LAMB4: variants seen among roughly 807,000 people sequenced by gnomAD.
The protein encoded by LAMB4 is laminin subunit beta-4.
A neutral mutation model predicts 199.2 loss-of-function variants in LAMB4; 196 were observed. The observed-to-expected ratio is 0.98, with a 90% confidence interval of 0.88 to 1.11. The LOEUF is 1.11. Ranked by LOEUF, LAMB4 falls within the 50% of genes least tolerant of loss-of-function variation. The pLI, the probability that LAMB4 is intolerant of heterozygous loss-of-function variation, is 0.00. For missense variants in LAMB4, 2,080 were observed against 2,171.2 expected, an observed-to-expected ratio of 0.96 and a Z score of 0.83; for synonymous variants, 744 against 770.6, an observed-to-expected ratio of 0.97 and a Z score of 0.57.
At chr7:108,075,658 T>A (rs911418021) in intron 17 of LAMB4, 1 of 152,202 alleles carries the variant, frequency 6.6e-6, no homozygotes, top group Admixed American at 6.5e-5. Context: ...GTACTAATGA[T>A]CTTAAAAATT....
Position 108,055,887 on chromosome 7 carries a change from TG to T in LAMB4, c.3499del (p.Gln1167ArgfsTer30). 3 of 1,614,186 alleles carry T rather than the reference TG, an allele frequency of 1.9e-6. No individual in the cohort carries two copies. Among genetic ancestry groups the T allele is most frequent in the Non-Finnish European group, 2.5e-6 (3 of 1,180,022 alleles). ...RCDRCARGHS[Q>X]EFPTCLQCHL... ...ACATTGAAGACAAGTAGGGAATTCC[TG>T]GCTGTGTCCCCGGGCACAGCGATCA... On this transcript the variant is annotated frameshift_variant, in exon 25 of 34. Transcript: ENST00000388781. LOFTEE classifies it high-confidence loss of function.
chr7:108,023,550 G>C (rs2034736352), downstream of LAMB4: 1 of 152,192 alleles, frequency 6.6e-6, no homozygotes, highest in Admixed American at 6.5e-5. Flanking sequence ...AAAGCAAGTT[G>C]CATTTTGAAT....
At chr7:108,018,164 T>A in the LAMB4 span, among the ~76,000 whole-genome samples, 1 of 152,258 alleles carries the variant, frequency 6.6e-6, no homozygotes, top group Non-Finnish European at 1.5e-5. Context: ...CTTTTCTTTA[T>A]GTGCAAGTTT....
At chr7:108,012,647 T>TAC in the LAMB4 span, among the ~76,000 whole-genome samples, 1 of 152,206 alleles carries the variant, frequency 6.6e-6, no homozygotes, top group African/African-American at 2.4e-5. Context: ...CATGGTGACT[T>TAC]ACATCACATC....
intron 25 of LAMB4, among the ~76,000 whole-genome samples, chr7:108,054,104 C>T (rs1229409070): frequency 6.6e-6 from 1 of 152,144 alleles, no homozygotes; most frequent in Non-Finnish European, 1.5e-5. Context: ...TTCACTGCAG[C>T]CTTGAACTCC....
intron 21 of LAMB4, among the ~76,000 whole-genome samples, chr7:108,065,385 A>T (rs937581474): frequency 6.6e-6 from 1 of 152,224 alleles, no homozygotes; most frequent in Non-Finnish European, 1.5e-5. Context: ...TAAAGAAAGC[A>T]TTTGACTAAT....
At chr7:108,097,021 T>A (rs1431750222) in intron 11 of LAMB4, among the ~76,000 whole-genome samples, 4 of 151,620 alleles carry the variant, frequency 2.6e-5, no homozygotes, top group Non-Finnish European at 5.9e-5. Context: ...TTCAGCCTGT[T>A]CTTGGAGGAC....
chr7:108,024,705 CGATCCATT>C (rs1272824823), intron 33 of LAMB4, among the ~76,000 whole-genome samples: 1 of 151,832 alleles, frequency 6.6e-6, no homozygotes, highest in African/African-American at 2.4e-5. Flanking sequence ...ACCCATCCAT[CGATCCATT>C]GATCCATCCA....
chr7:108,042,324 C>A (rs10253389), intron 29 of LAMB4, among the ~76,000 whole-genome samples: 2,312 of 151,840 alleles, frequency 0.015, 59 homozygotes, highest in African/African-American at 0.051. Flanking sequence ...TCTTTCAATT[C>A]CTCAAGTTAA....
chr7:108,066,640 G>T, intron 19 of LAMB4, 40 bp from the exon 20 acceptor site: 1 of 1,256,866 alleles, frequency 8.0e-7, no homozygotes, highest in Non-Finnish European at 1.1e-6. Context: ...GCGGGGATGA[G>T]TGGTGTGTGG....
At chr7:108,076,674 C>T (rs992143626) in intron 17 of LAMB4, among the ~76,000 whole-genome samples, 2 of 152,008 alleles carry the variant, frequency 1.3e-5, no homozygotes, top group South Asian at 2.1e-4. Context: ...CCTGTCACAG[C>T]GTCACAGACC....
At chr7:108,021,959 G>A (rs897734957), downstream of LAMB4, among the ~76,000 whole-genome samples, 3 of 152,000 alleles carry the variant, frequency 2.0e-5, no homozygotes, top group Non-Finnish European at 4.4e-5. Context: ...GAAGAGGCCC[G>A]GCCAACTGGA....
chr7:108,028,197 C>T (rs2034904057), intron 33 of LAMB4, among the ~76,000 whole-genome samples: 1 of 152,164 alleles, frequency 6.6e-6, no homozygotes, highest in Non-Finnish European at 1.5e-5. Flanking sequence ...GCTAGATGAC[C>T]TAGTGCCCTA....
chr7:108,034,198 A>C lies in LAMB4; in HGVS notation c.4818+10T>G. On this transcript the variant is annotated intron_variant, in intron 31 of 33. Transcript: ENST00000388781. ...ACCTATTTCAGGTTAGTTTCAAAGA[A>C]GACAAATACCTGCAGCACATTCTTT... The C allele has an allele frequency of 6.2e-7, 1 of 1,613,858 alleles. No individual in the cohort carries two copies. Among genetic ancestry groups the C allele is most frequent in the South Asian group, 1.1e-5 (1 of 91,052 alleles).
intron 29 of LAMB4, 113 bp from the exon 30 acceptor site, chr7:108,037,708 C>T (rs924992213): frequency 4.1e-6 from 3 of 734,188 alleles, no homozygotes; most frequent in South Asian, 3.3e-5. Context: ...GATTATGTGC[C>T]CCTAGAATAC....
At chr7:108,089,987 T>G (rs111261785) in intron 14 of LAMB4, among the ~76,000 whole-genome samples, 6 of 152,256 alleles carry the variant, frequency 3.9e-5, no homozygotes, top group African/African-American at 1.4e-4. Flanking sequence ...TGAAACCAGA[T>G]GCACCTGGGT....
Position 108,063,937 on chromosome 7 carries a change from A to G in LAMB4, c.2885T>C (p.Ile962Thr). 6.2e-7 allele frequency: 1 copy of G among 1,614,166 alleles called. No homozygotes were observed. Among genetic ancestry groups the G allele is most frequent in the Non-Finnish European group, 8.5e-7 (1 of 1,180,032 alleles). ...ACATGGTTGGCAAGGTGCTCCTGAA[A>G]TTCTTGGATTTCCATAGAAACCAGT... The part of the protein sequence containing the change: ...CSTGFYGNPR[I>T]SGAPCQPCAC... Residue 962 changes from isoleucine (I) to threonine (T), a missense_variant, in exon 22 of 34, where the codon ATT becomes ACT. Coordinates refer to ENST00000388781, the MANE Select transcript of LAMB4 (RefSeq NM_007356.3).
chr7:108,040,631 G>C (rs1480719919), intron 29 of LAMB4, among the ~76,000 whole-genome samples: 1 of 152,150 alleles, frequency 6.6e-6, no homozygotes, highest in East Asian at 1.9e-4. Flanking sequence ...TCTGATCTTT[G>C]ACAAAGTCAA....
At chr7:108,130,260 TCCATAAAAATG>T (rs2038931345) in intron 1 of LAMB4, 35 bp downstream of exon 1, 1 of 152,192 alleles carries the variant, frequency 6.6e-6, no homozygotes, top group Non-Finnish European at 1.5e-5. Context: ...CTTCATTTAA[TCCATAAAAATG>T]CCAATTTGCT....
Sources: allele counts gnomAD v4.1 joint callset (sites outside exome capture counted in the v4.1 genomes callset), GRCh38; gene constraint gnomAD v4.1.1; transcripts MANE v1.5; gene names NCBI Gene and HGNC (gene_info 2026-07-23, HGNC 2026-07-21).